The following PCDHA6 variants were observed in gnomAD, a reference collection of about 807,000 sequenced individuals.
The protein encoded by PCDHA6 is protocadherin alpha-6.
In PCDHA6, 55 loss-of-function variants were observed where a neutral mutation model predicts 60.3. That is an observed-to-expected ratio of 0.91 (90% confidence interval 0.73 to 1.14). PCDHA6 has a LOEUF of 1.14. Among genes scored for constraint, PCDHA6 ranks in the 50% most tolerant of loss-of-function variants. The pLI, the probability that PCDHA6 is intolerant of heterozygous loss-of-function variation, is 0.00. For synonymous variants in PCDHA6, 652 were observed against 557.9 expected, an observed-to-expected ratio of 1.17 and a Z score of -2.38; for missense variants, 1,327 against 1,256.5, an observed-to-expected ratio of 1.06 and a Z score of -0.85.
At chr5:140,951,098 A>T (rs1480000816) in intron 1 of PCDHA6, among the ~76,000 whole-genome samples, 1 of 151,264 alleles carries the variant, frequency 6.6e-6, no homozygotes, top group African/African-American at 2.4e-5. Flanking sequence ...TTCTGATAAG[A>T]TTTCCTTTAT....
chr5:140,851,370 T>C, intron 1 of PCDHA6: 2 of 979,252 alleles, frequency 2.0e-6, no homozygotes, highest in South Asian at 4.7e-5. Flanking sequence ...AACATCTGAT[T>C]GTTCAGCAAC....
intron 1 of PCDHA6, chr5:140,869,211 G>A (rs375218342): frequency 1.2e-6 from 2 of 1,613,956 alleles, no homozygotes; most frequent in Admixed American, 1.7e-5. Flanking sequence ...ACTCCGTCTC[G>A]GAGGAGGCCA....
intron 1 of PCDHA6, chr5:140,928,901 T>A (rs781842258): frequency 6.2e-7 from 1 of 1,614,212 alleles, no homozygotes. Flanking sequence ...TTTGAAGATG[T>A]CTGGGAACCA....
intron 1 of PCDHA6, among the ~76,000 whole-genome samples, chr5:140,872,029 A>C (rs782304127): frequency 7.9e-5 from 12 of 152,224 alleles, no homozygotes; most frequent in Admixed American, 2.6e-4. Context: ...GGAACTGCTA[A>C]GCTCAAAGAA....
chr5:140,864,378 T>C (rs1269675465), intron 1 of PCDHA6: 1 of 152,252 alleles, frequency 6.6e-6, no homozygotes, highest in Non-Finnish European at 1.5e-5. Context: ...ATCGATAAGT[T>C]TATCTCTCAC....
chr5:140,867,552 TATG>T (rs1353762493), intron 1 of PCDHA6: 1 of 152,120 alleles, frequency 6.6e-6, no homozygotes, highest in Non-Finnish European at 1.5e-5. Flanking sequence ...AGCATACACA[TATG>T]ATAACTTTTT....
At chr5:140,846,712 C>G (rs1014332332) in intron 1 of PCDHA6, among the ~76,000 whole-genome samples, 1 of 149,228 alleles carries the variant, frequency 6.7e-6, no homozygotes, top group Non-Finnish European at 1.5e-5. Context: ...ATTGTAATAA[C>G]CAGTCTTCAT....
At chr5:140,888,189 T>C (rs1554183360) in intron 1 of PCDHA6, among the ~76,000 whole-genome samples, 2 of 152,344 alleles carry the variant, frequency 1.3e-5, no homozygotes. Flanking sequence ...TTGTGAATTT[T>C]ACATTGTCGG....
chr5:140,875,749 G>A (rs782793601), intron 1 of PCDHA6: 3 of 1,614,264 alleles, frequency 1.9e-6, no homozygotes, highest in African/African-American at 1.3e-5. Flanking sequence ...GATCGACCGC[G>A]AGAAGCTGTG....
At chr5:140,896,318 C>T (rs1036368074) in intron 1 of PCDHA6, among the ~76,000 whole-genome samples, 8 of 152,150 alleles carry the variant, frequency 5.3e-5, no homozygotes, top group African/African-American at 1.9e-4. Flanking sequence ...AACTGCTTTC[C>T]ACAGTGGCTA....
rs541015740 is a variant in PCDHA6 at position 140,862,949 on chromosome 5, C to T, written c.2394+32464C>T. 3 of 542,876 alleles carry T rather than the reference C, an allele frequency of 5.5e-6. No individual in the cohort carries two copies. In the Admixed American group the frequency reaches 5.9e-5, roughly 11 times the overall value. The allele number at this position is 542,876 out of a possible 1,614,324, so 33.6% of individuals were successfully genotyped here. A position where few individuals can be genotyped will look rare whatever the true frequency, so the allele number is the denominator to read the frequency against. On this transcript the variant is annotated intron_variant, in intron 1 of 3. Transcript: ENST00000529310. The stretch of plus-strand genomic sequence containing the variant: ...TGGCGGCGCTGTGAGTGAGCTGGTG[C>T]GGTATTCAGTGGATGCAGGCCACTT...
chr5:140,894,852 T>C (rs1366360589), intron 1 of PCDHA6, among the ~76,000 whole-genome samples: 2 of 152,200 alleles, frequency 1.3e-5, no homozygotes, highest in African/African-American at 2.4e-5. Flanking sequence ...CATTTTTATA[T>C]GAAAAGTGCT....
chr5:140,844,369 CCTT>C (rs1275614273), intron 1 of PCDHA6, among the ~76,000 whole-genome samples: 2 of 149,326 alleles, frequency 1.3e-5, no homozygotes, highest in South Asian at 2.1e-4. Flanking sequence ...GATTTGTAAT[CCTT>C]CTTTTAATTC....
chr5:140,968,859 C>T, intron 1 of PCDHA6: 1 of 1,614,184 alleles, frequency 6.2e-7, no homozygotes, highest in Non-Finnish European at 8.5e-7. Context: ...GTTAAGAGCC[C>T]TCGGACATAC....
chr5:140,921,779 T>C (rs1584242105), intron 1 of PCDHA6, among the ~76,000 whole-genome samples: 2 of 152,246 alleles, frequency 1.3e-5, no homozygotes, highest in East Asian at 3.9e-4. Context: ...AATACTGACT[T>C]GGATGTTCTA....
chr5:140,857,566 C>G, intron 1 of PCDHA6: 1 of 1,596,798 alleles, frequency 6.3e-7, no homozygotes, highest in South Asian at 1.1e-5. Flanking sequence ...TGTCGAGCTA[C>G]GTGTCGGTGC....
chr5:140,998,228 T>G (rs528236708), intron 3 of PCDHA6, among the ~76,000 whole-genome samples: 1 of 152,288 alleles, frequency 6.6e-6, no homozygotes, highest in East Asian at 1.9e-4. Flanking sequence ...ACCCAGAAAT[T>G]TGTGCATTAT....
chr5:140,858,016 G>T, intron 1 of PCDHA6: 1 of 1,596,850 alleles, frequency 6.3e-7, no homozygotes, highest in Non-Finnish European at 8.6e-7. Context: ...ATGGCGAGCC[G>T]TCGCTGACGG....
rs186566632 is a variant in PCDHA6, at chr5:140,947,652, T to C, written c.2395-31297T>C. 6.7e-3 allele frequency among the ~76,000 whole-genome samples: 1,010 copies of C among 151,752 alleles called. 2 individuals are homozygous for C. Among genetic ancestry groups the C allele is most frequent in the Non-Finnish European group, 0.01 (702 of 67,572 alleles). On this transcript the variant is annotated intron_variant, in intron 1 of 3. Transcript: ENST00000529310. ...ATCAGATCGTATGAACATATATACCTCCATTTACTTGGGTCTTTAAAAAAT... is the reference window on the plus strand; with the variant it reads ...ATCAGATCGTATGAACATATATACCCCCATTTACTTGGGTCTTTAAAAAAT...
Sources: gnomAD v4.1 joint callset for allele counts (sites outside exome capture counted in the v4.1 genomes callset) on GRCh38, gnomAD v4.1.1 for gene constraint, MANE v1.5 for transcripts, NCBI Gene and HGNC (gene_info 2026-07-23, HGNC 2026-07-21) for gene names.